The following MRPL13 variants were observed in gnomAD, a reference collection of about 807,000 sequenced individuals.
MRPL13 encodes large ribosomal subunit protein uL13m.
In MRPL13, 33 loss-of-function variants were observed where a neutral mutation model predicts 29.0. The observed-to-expected ratio is 1.14, with a 90% CI of 0.86 to 1.52. The LOEUF (loss-of-function observed/expected upper bound fraction) is 1.52. Ranked by LOEUF, MRPL13 falls within the 40% of genes most tolerant of loss-of-function variation. The pLI, the probability that MRPL13 is intolerant of heterozygous loss-of-function variation, is 0.00. For synonymous variants in MRPL13, 77 were observed against 68.4 expected (o/e 1.13, Z -0.62); for missense variants, 227 against 216.7 (o/e 1.05, Z -0.30).
chr8:120,399,546 A>G (rs1482459687), intron 6 of MRPL13, among the ~76,000 whole-genome samples: 2 of 152,216 alleles, frequency 1.3e-5, no homozygotes, highest in Non-Finnish European at 2.9e-5. Context: ...AAAACACACT[A>G]AAGTACACAG....
chr8:120,423,774 A>G lies in MRPL13; in HGVS notation c.306+1532T>C, dbSNP rs145697511. ...TCAAGGAAAAGGAAATTGATACCAG[A>G]AGGCAGGCTGAGTCACAAGAAGGGA... On this transcript the variant is annotated intron_variant, in intron 4 of 6. Coordinates refer to ENST00000306185, the MANE Select transcript of MRPL13 (RefSeq NM_014078.6). 2.0e-5 allele frequency among the ~76,000 whole-genome samples: 3 copies of G among 152,292 alleles called. No individual in the cohort carries two copies. The East Asian group carries it at 5.8e-4, about 29-fold the overall frequency.
chr8:120,420,806 T>C (rs1453742135), intron 4 of MRPL13, among the ~76,000 whole-genome samples: 2 of 151,958 alleles, frequency 1.3e-5, no homozygotes, highest in Non-Finnish European at 2.9e-5. Flanking sequence ...ATTGTATTAA[T>C]AGTGTTACAC....
At chr8:120,406,849 ACTAT>A (rs1464390378) in intron 6 of MRPL13, among the ~76,000 whole-genome samples, 15 of 152,220 alleles carry the variant, frequency 9.9e-5, no homozygotes, top group African/African-American at 1.4e-4. Flanking sequence ...TTCTGTAACA[ACTAT>A]CTATTTTGCA....
At chr8:120,396,226 C>A in intron 6 of MRPL13, 101 bp from the exon 7 acceptor site, 1 of 880,702 alleles carries the variant, frequency 1.1e-6, no homozygotes, top group Non-Finnish European at 1.7e-6. Flanking sequence ...TAACTGTTCA[C>A]CAAGAAATAG....
At chr8:120,404,185 A>G (rs1199452348) in intron 6 of MRPL13, among the ~76,000 whole-genome samples, 1 of 152,192 alleles carries the variant, frequency 6.6e-6, no homozygotes, top group Non-Finnish European at 1.5e-5. Context: ...GCTGGTTCAT[A>G]TAATTACAAA....
chr8:120,416,867 T>G (rs768819440), intron 5 of MRPL13, among the ~76,000 whole-genome samples: 7 of 152,190 alleles, frequency 4.6e-5, no homozygotes, highest in Non-Finnish European at 8.8e-5. Context: ...TTCAGGAAAA[T>G]TAACATTGAT....
intron 6 of MRPL13, among the ~76,000 whole-genome samples, chr8:120,407,865 T>C (rs1812694296): frequency 6.6e-6 from 1 of 152,200 alleles, no homozygotes; most frequent in Admixed American, 6.5e-5. Context: ...TATTTCTTAG[T>C]ATAATGCTTA....
At chr8:120,441,610 T>C (rs1215376656) in intron 2 of MRPL13, among the ~76,000 whole-genome samples, 1 of 152,162 alleles carries the variant, frequency 6.6e-6, no homozygotes, top group African/African-American at 2.4e-5. Context: ...AGAAGGATTA[T>C]TCTAGATTAA....
Position 120,428,261 on chromosome 8 carries a change from T to C in MRPL13, c.246-2895A>G, listed in dbSNP as rs533788658. Among the ~76,000 whole-genome samples, 32 of 151,780 alleles carry C rather than the reference T, an allele frequency of 2.1e-4. No individual in the cohort carries two copies. The South Asian group carries it at 6.2e-3, about 29-fold the overall frequency. On this transcript the variant is annotated intron_variant, in intron 3 of 6. Coordinates refer to ENST00000306185, the MANE Select transcript of MRPL13 (RefSeq NM_014078.6). ...AATGGAGAAAGGATTCCCTGTTCAA[T>C]AAATGGTGCTGGGAGAACTGGCTAG...
At chr8:120,419,617 AT>A in intron 5 of MRPL13, 1 of 271,144 alleles carries the variant, frequency 3.7e-6, no homozygotes. Flanking sequence ...AGTGATTAAA[AT>A]TTTTTTTAAA....
At chr8:120,435,248 T>G (rs759981614) in intron 2 of MRPL13, among the ~76,000 whole-genome samples, 3 of 152,144 alleles carry the variant, frequency 2.0e-5, no homozygotes, top group Non-Finnish European at 4.4e-5. Flanking sequence ...CAGGGGTAAA[T>G]GTACAGGTGT....
At chr8:120,422,942 T>C (rs1181025223) in intron 4 of MRPL13, among the ~76,000 whole-genome samples, 2 of 151,940 alleles carry the variant, frequency 1.3e-5, no homozygotes, top group Admixed American at 6.6e-5. Context: ...GTAAGTACAC[T>C]GAGCAGATAT....
intron 1 of MRPL13, 157 bp downstream of exon 1, chr8:120,444,911 G>T: frequency 2.6e-6 from 2 of 781,282 alleles, no homozygotes; most frequent in Non-Finnish European, 4.3e-6. Context: ...TTAAGTGCTT[G>T]CCAGACTGAC....
chr8:120,430,743 A>G (rs994535153), intron 3 of MRPL13, among the ~76,000 whole-genome samples: 1 of 152,208 alleles, frequency 6.6e-6, no homozygotes, highest in Non-Finnish European at 1.5e-5. Flanking sequence ...AAGGAGTTTG[A>G]ATTTTCACCT....
intron 6 of MRPL13, among the ~76,000 whole-genome samples, chr8:120,412,789 C>T (rs560572516): frequency 2.0e-5 from 3 of 152,280 alleles, no homozygotes; most frequent in South Asian, 2.1e-4. Flanking sequence ...CATGCCAATG[C>T]AAGAAGGGGC....
rs547628668 is a variant in MRPL13 at position 120,398,060 on chromosome 8, C to T, written c.516-1935G>A. Among the ~76,000 whole-genome samples the T allele has an allele frequency of 2.0e-5, 3 of 152,320 alleles. No homozygotes were observed. In the South Asian group the frequency reaches 6.2e-4, roughly 32 times the overall value. On this transcript the variant is annotated intron_variant, in intron 6 of 6. Transcript: ENST00000306185. ...AGCAGTTCAGTCGACACAGCCTTTCCAGACTGTTGGCTCTGGACAGTTGAA... is the reference window on the plus strand; with the variant it reads ...AGCAGTTCAGTCGACACAGCCTTTCTAGACTGTTGGCTCTGGACAGTTGAA...
chr8:120,424,135 TCAAAAGTCAGC>T (rs1217750628), intron 4 of MRPL13, among the ~76,000 whole-genome samples: 4 of 152,048 alleles, frequency 2.6e-5, no homozygotes, highest in Admixed American at 1.3e-4. Context: ...CAAACACTAA[TCAAAAGTCAGC>T]TAATGTAGCT....
intron 6 of MRPL13, among the ~76,000 whole-genome samples, chr8:120,402,001 G>A (rs936835455): frequency 3.9e-5 from 6 of 152,108 alleles, no homozygotes; most frequent in Admixed American, 6.6e-5. Context: ...AATCAGAGAG[G>A]ACACAAACAA....
chr8:120,413,779 C>T (rs1812768948), intron 6 of MRPL13, among the ~76,000 whole-genome samples: 1 of 152,054 alleles, frequency 6.6e-6, no homozygotes, highest in African/African-American at 2.4e-5. Flanking sequence ...CTATGAACAT[C>T]CTCGCACTTA....
Sources: gnomAD v4.1 joint callset for allele counts (sites outside exome capture counted in the v4.1 genomes callset) on GRCh38, gnomAD v4.1.1 for gene constraint, MANE v1.5 for transcripts, NCBI Gene and HGNC (gene_info 2026-07-23, HGNC 2026-07-21) for gene names.